Variants in APLP2 observed in about 807,000 individuals in gnomAD.
The protein encoded by APLP2 is CDEI box-binding protein.
In APLP2, 53 loss-of-function variants were observed where a neutral mutation model predicts 89.9. The ratio of observed to expected loss-of-function variants is 0.59; its 90% CI spans 0.47 to 0.74. The LOEUF is 0.74. Among genes scored for constraint, APLP2 ranks in the 30% least tolerant of loss-of-function variants. The pLI is 0.00. For missense variants in APLP2, 973 were observed against 975.9 expected (o/e 1.00, Z 0.04); for synonymous variants, 372 against 348.6 (o/e 1.07, Z -0.75).
In APLP2 at chr11:130,141,507, G is replaced by A. The variant is rs776057355; in HGVS notation, c.1933G>A (p.Glu645Lys). ...NKVDENMVID[E>K]TLDVKEMIFN... ...CTCATGACTGTTTCAGGTCATTGAC[G>A]AGACTCTGGATGTTAAGGAAATGAT... Residue 645 changes from glutamate to lysine, a missense_variant, in exon 15 of 17, where the codon GAG becomes AAG. Physicochemically the swap from Glu to Lys is moderately conservative, Grantham distance 56. Coordinates refer to ENST00000338167, the MANE Select transcript of APLP2 (RefSeq NM_001142276.2). The surrounding 1 kb of genome is among the most constrained non-coding windows in gnomAD (Gnocchi z 4.2). 6 of 1,613,948 alleles carry A rather than the reference G, an allele frequency of 3.7e-6. No homozygotes were observed. Among genetic ancestry groups the A allele is most frequent in the East Asian group, 2.2e-5 (1 of 44,842 alleles).
chr11:130,096,339 T>C (rs1183082272), intron 1 of APLP2, among the ~76,000 whole-genome samples: 3 of 152,146 alleles, frequency 2.0e-5, no homozygotes, highest in African/African-American at 7.2e-5. Context: ...AGAAGAGCAG[T>C]GTGTTCTGCC....
intron 11 of APLP2, among the ~76,000 whole-genome samples, chr11:130,131,543 A>G (rs187333612): frequency 2.0e-3 from 309 of 152,282 alleles, no homozygotes; most frequent in African/African-American, 6.9e-3. Context: ...GTGGGCCTGG[A>G]GCTCAGGACT....
rs755931520 is a variant in APLP2, at chr11:130,143,493, C to T, written c.*45C>T. On this transcript the variant is annotated 3_prime_UTR_variant, in exon 17 of 17. Coordinates refer to ENST00000338167, the MANE Select transcript of APLP2 (RefSeq NM_001142276.2). ...CCCTGGCGGAGGGATGCAGGTGGGC[C>T]GGAAGATCCCACGATTCCGATCGAC... is the stretch of plus-strand genomic sequence containing the variant. 1.7e-5 allele frequency: 25 copies of T among 1,513,398 alleles called. No homozygotes were observed. The highest frequency in any genetic ancestry group is 1.7e-4 in the Middle Eastern group (1 of 5,806). The allele number at this position is 1,513,398 out of a possible 1,614,324, so 93.7% of individuals were successfully genotyped here.
intron 1 of APLP2, among the ~76,000 whole-genome samples, chr11:130,105,701 C>CTTT (rs765278847): frequency 0.025 from 3,008 of 118,152 alleles, 193 homozygotes; most frequent in African/African-American, 0.071. Context: ...TTTCTGTCTG[C>CTTT]TTTTTTTTTT....
At chr11:130,116,922 G>C (rs757609151) in intron 3 of APLP2, among the ~76,000 whole-genome samples, 17 of 151,780 alleles carry the variant, frequency 1.1e-4, no homozygotes, top group East Asian at 2.0e-4. Context: ...TTGAGATCAG[G>C]AGTTCAAGAC....
intron 1 of APLP2, among the ~76,000 whole-genome samples, chr11:130,091,272 AC>A (rs1295690363): frequency 5.4e-5 from 4 of 73,662 alleles, no homozygotes; most frequent in South Asian, 4.1e-4. Context: ...CGGGGGGCTG[AC>A]CCCCCCACCT....
At chr11:130,076,779 A>T (rs1161554781) in intron 1 of APLP2, among the ~76,000 whole-genome samples, 1 of 152,196 alleles carries the variant, frequency 6.6e-6, no homozygotes, top group Non-Finnish European at 1.5e-5. Flanking sequence ...CTTCCTGTAT[A>T]TCTCCTTTTA....
intron 1 of APLP2, among the ~76,000 whole-genome samples, chr11:130,084,622 T>C (rs1263752307): frequency 1.3e-5 from 2 of 152,064 alleles, no homozygotes; most frequent in Non-Finnish European, 2.9e-5. Flanking sequence ...GGAAATTAGA[T>C]GATGTTTTGA....
At chr11:130,111,661 G>A (rs900549657) in intron 3 of APLP2, among the ~76,000 whole-genome samples, 4 of 152,102 alleles carry the variant, frequency 2.6e-5, no homozygotes, top group South Asian at 2.1e-4. Flanking sequence ...TAAAATATTC[G>A]TGAGGAGCAA....
chr11:130,113,158 T>A (rs1160490200), intron 3 of APLP2, among the ~76,000 whole-genome samples: 1 of 152,358 alleles, frequency 6.6e-6, no homozygotes, highest in East Asian at 1.9e-4. Flanking sequence ...CCTGTTTTAG[T>A]CTTTTTTGTC....
chr11:130,085,177 C>T (rs938313380), intron 1 of APLP2, among the ~76,000 whole-genome samples: 10 of 152,160 alleles, frequency 6.6e-5, no homozygotes, highest in African/African-American at 1.4e-4. Flanking sequence ...AGGCTGAGTG[C>T]GGTGGCTTAT....
At position 130,123,880 on chromosome 11, in the gene APLP2, A is replaced by T; in HGVS notation, c.1090+101A>T. ...CTGCATCTGTGTGGTGTCCCTGCCC[A>T]CTCGGGTGTTTGCTGTCGGTCGTCT... On this transcript the variant is annotated intron_variant, in intron 7 of 16. Coordinates refer to ENST00000338167, the MANE Select transcript of APLP2 (RefSeq NM_001142276.2). The surrounding 1 kb of genome is among the most constrained non-coding windows in gnomAD (Gnocchi z 4.0). 7.5e-7 allele frequency: 1 copy of T among 1,333,802 alleles called. No homozygotes were observed. 82.6% of individuals were successfully genotyped at this position (1,333,802 alleles called of 1,614,324 possible).
At chr11:130,094,203 G>T (rs1014336727) in intron 1 of APLP2, among the ~76,000 whole-genome samples, 1 of 151,840 alleles carries the variant, frequency 6.6e-6, no homozygotes, top group Non-Finnish European at 1.5e-5. Flanking sequence ...ACAGGCATGC[G>T]CCACCATGCC....
chr11:130,086,328 T>C (rs1302456777), intron 1 of APLP2, among the ~76,000 whole-genome samples: 1 of 152,262 alleles, frequency 6.6e-6, no homozygotes, highest in Non-Finnish European at 1.5e-5. Flanking sequence ...TTTATATCTT[T>C]GGAAAAATGT....
chr11:130,091,746 G>A (rs1591780560), intron 1 of APLP2, among the ~76,000 whole-genome samples: 2 of 146,150 alleles, frequency 1.4e-5, no homozygotes, highest in African/African-American at 5.2e-5. Context: ...CCTCCCGGAC[G>A]GCACGGCTGG....
At chr11:130,126,926 C>A (rs1950431721) in intron 8 of APLP2, 96 bp downstream of exon 8, 1 of 1,544,226 alleles carries the variant, frequency 6.5e-7, no homozygotes, top group Non-Finnish European at 8.9e-7. Flanking sequence ...CCTAGATTGT[C>A]ATGCTGATGT....
intron 1 of APLP2, among the ~76,000 whole-genome samples, chr11:130,085,545 A>G (rs1943972836): frequency 6.6e-6 from 1 of 152,256 alleles, no homozygotes; most frequent in African/African-American, 2.4e-5. Context: ...TCTACTAAAC[A>G]TTAAGGAAGA....
At chr11:130,107,990 G>C (rs1484893867) in intron 1 of APLP2, among the ~76,000 whole-genome samples, 2 of 152,182 alleles carry the variant, frequency 1.3e-5, no homozygotes, top group Non-Finnish European at 2.9e-5. Flanking sequence ...AATAAATGGT[G>C]CTGGGAAAAC....
At chr11:130,077,904 A>G (rs942221088) in intron 1 of APLP2, among the ~76,000 whole-genome samples, 1 of 152,188 alleles carries the variant, frequency 6.6e-6, no homozygotes, top group Non-Finnish European at 1.5e-5. Context: ...GCTTCTACCC[A>G]CTATTGAAAG....
Sources: allele counts gnomAD v4.1 joint callset (sites outside exome capture counted in the v4.1 genomes callset), GRCh38; gene constraint gnomAD v4.1.1; non-coding constraint Gnocchi (gnomAD v3.1); transcripts MANE v1.5; gene names NCBI Gene and HGNC (gene_info 2026-07-23, HGNC 2026-07-21).